Variants in NCAM1 observed in about 807,000 individuals in gnomAD.
The protein encoded by NCAM1 is neural cell adhesion molecule 1.
In NCAM1, 14 loss-of-function variants were observed where a neutral mutation model predicts 109.8. The observed-to-expected ratio is 0.13, with a 90% CI of 0.08 to 0.20. The LOEUF (loss-of-function observed/expected upper bound fraction) is 0.20. Among genes scored for constraint, NCAM1 ranks in the 10% least tolerant of loss-of-function variants. The pLI is 1.00. For synonymous variants in NCAM1, 418 were observed against 442.9 expected, an observed-to-expected ratio of 0.94 and a Z score of 0.70; for missense variants, 774 against 1,109.9, an observed-to-expected ratio of 0.70 and a Z score of 4.30.
rs1953657749 is a variant in NCAM1, at chr11:113,055,384, TCAA to T, written c.52+93722_52+93724del. On this transcript the variant is annotated intron_variant, in intron 1 of 19. Coordinates refer to ENST00000316851, the MANE Select transcript of NCAM1 (RefSeq NM_181351.5). ...AGAGGAATGCAAAAGTAGAAAATGG[TCAA>T]CGTTTTAAACTTGGTATTTGCACCC... 2.6e-5 allele frequency among the ~76,000 whole-genome samples: 4 copies of T among 152,182 alleles called. No individual in the cohort carries two copies. The South Asian group carries it at 8.3e-4, about 31-fold the overall frequency.
In NCAM1 at chr11:113,214,365, T is replaced by G; in HGVS notation, c.917-4T>G. ...AAACTCAGAGAAATGTTTTGTCTTTTCAGCAAAACCCAAAATCACATATGT... is the reference window on the plus strand; with the variant it reads ...AAACTCAGAGAAATGTTTTGTCTTTGCAGCAAAACCCAAAATCACATATGT... On this transcript the variant is annotated splice_region_variant and splice_polypyrimidine_tract_variant and intron_variant, in intron 7 of 19. Coordinates refer to ENST00000316851, the MANE Select transcript of NCAM1 (RefSeq NM_181351.5). 6.2e-7 allele frequency: 1 copy of G among 1,613,220 alleles called. No homozygotes were observed. The highest frequency in any genetic ancestry group is 1.1e-5 in the South Asian group (1 of 90,830).
intron 1 of NCAM1, among the ~76,000 whole-genome samples, chr11:113,116,172 G>C (rs1555094835): frequency 6.6e-6 from 1 of 152,202 alleles, no homozygotes. Flanking sequence ...TTGACAGTAA[G>C]GGCTGTCTCA....
intron 1 of NCAM1, among the ~76,000 whole-genome samples, chr11:113,174,973 A>G (rs1943102122): frequency 6.6e-6 from 1 of 152,196 alleles, no homozygotes; most frequent in East Asian, 1.9e-4. Context: ...TATGTGTGGA[A>G]TTTGTACACC....
intron 2 of NCAM1, among the ~76,000 whole-genome samples, chr11:113,203,931 G>C (rs1227163594): frequency 6.6e-6 from 1 of 152,136 alleles, no homozygotes. Context: ...TAATTCCCTT[G>C]GTTACCCGTT....
intron 1 of NCAM1, among the ~76,000 whole-genome samples, chr11:113,087,254 T>C (rs1555088458): frequency 6.6e-6 from 1 of 152,236 alleles, no homozygotes; most frequent in Non-Finnish European, 1.5e-5. Flanking sequence ...TCCTTTGCAA[T>C]GACAGCTGGG....
Position 113,233,334 on chromosome 11 carries a change from G to T in NCAM1, c.1693+17G>T. ...CCAAGGAAGGTGAGTTGGGCGAGTT[G>T]GTGTTTCCATTGGGATCATGAGTGC... On this transcript the variant is annotated intron_variant, in intron 13 of 19. Coordinates refer to ENST00000316851, the MANE Select transcript of NCAM1 (RefSeq NM_181351.5). The surrounding 1 kb of genome is among the most constrained non-coding windows in gnomAD (Gnocchi z 4.5). 1 of 1,607,270 alleles carries T rather than the reference G, an allele frequency of 6.2e-7. No homozygotes were observed. Among genetic ancestry groups the T allele is most frequent in the Non-Finnish European group, 8.5e-7 (1 of 1,176,708 alleles).
chr11:113,171,838 C>A (rs1555106304), intron 1 of NCAM1, among the ~76,000 whole-genome samples: 2 of 152,128 alleles, frequency 1.3e-5, no homozygotes, highest in African/African-American at 4.8e-5. Flanking sequence ...CAGAATGTGA[C>A]CTTACTTGGT....
chr11:112,967,018 T>A (rs10750016), intron 1 of NCAM1, among the ~76,000 whole-genome samples: 72,240 of 152,134 alleles, frequency 0.47, 17,987 homozygotes, highest in East Asian at 0.8. Flanking sequence ...TTTTCTTCCA[T>A]ATATACGTAA....
intron 1 of NCAM1, among the ~76,000 whole-genome samples, chr11:113,092,010 G>A (rs1010952435): frequency 3.3e-5 from 5 of 151,816 alleles, no homozygotes; most frequent in African/African-American, 1.2e-4. Context: ...TATTGATAGA[G>A]AGGCAGCAAG....
chr11:113,064,008 G>A (rs1303190737), intron 1 of NCAM1, among the ~76,000 whole-genome samples: 1 of 152,162 alleles, frequency 6.6e-6, no homozygotes, highest in Non-Finnish European at 1.5e-5. Context: ...TTAAAATATG[G>A]AAGACTCTCT....
At chr11:113,153,698 A>T (rs1488409090) in intron 1 of NCAM1, among the ~76,000 whole-genome samples, 2 of 152,214 alleles carry the variant, frequency 1.3e-5, no homozygotes, top group Non-Finnish European at 1.5e-5. Flanking sequence ...TGGGTTAGAT[A>T]TGTAAATCTG....
At chr11:113,204,091 A>T (rs1944159978) in intron 2 of NCAM1, among the ~76,000 whole-genome samples, 195 bp from the exon 3 acceptor site, 1 of 152,136 alleles carries the variant, frequency 6.6e-6, no homozygotes, top group African/African-American at 2.4e-5. Flanking sequence ...AGAGGTGTTA[A>T]GTATATAATA....
intron 1 of NCAM1, among the ~76,000 whole-genome samples, chr11:113,005,747 C>T (rs1181952507): frequency 1.3e-5 from 2 of 152,116 alleles, no homozygotes; most frequent in African/African-American, 4.8e-5. Flanking sequence ...CTTCTGTCTC[C>T]AGCCTGATTT....
intron 9 of NCAM1, among the ~76,000 whole-genome samples, chr11:113,224,113 G>A (rs183935293): frequency 5.6e-4 from 85 of 152,356 alleles, no homozygotes; most frequent in South Asian, 1.0e-3. Flanking sequence ...CGCACCGAGC[G>A]TGAGCCGAAG....
intron 9 of NCAM1, 196 bp from the exon 10 acceptor site, chr11:113,231,449 C>T: frequency 3.4e-6 from 3 of 891,864 alleles, no homozygotes; most frequent in South Asian, 1.7e-5. Context: ...CCCAGGTTCT[C>T]ATGCTGCTTC....
At chr11:113,104,202 T>TGGGG (rs1565438460) in intron 1 of NCAM1, among the ~76,000 whole-genome samples, 1 of 2,552 alleles carries the variant, frequency 3.9e-4, no homozygotes, top group Admixed American at 4.1e-3. Context: ...GAAGAGGAGG[T>TGGGG]GGGGTGGGGG....
chr11:113,232,002 A>T (rs1243801324), intron 10 of NCAM1, among the ~76,000 whole-genome samples, 168 bp from the exon 11 acceptor site: 2 of 152,124 alleles, frequency 1.3e-5, no homozygotes, highest in African/African-American at 2.4e-5. Flanking sequence ...TGTGCCCTTG[A>T]GTCTTCTTCC....
In NCAM1 at chr11:112,962,397, AGG is replaced by A. The variant is rs1950591880; in HGVS notation, c.52+736_52+737del. Among the ~76,000 whole-genome samples the A allele has an allele frequency of 6.6e-6, 1 of 151,832 alleles. No individual in the cohort carries two copies. ...CGCGTTTTGACAGGAGGAAGTGCGG[AGG>A]GGCGGAGGGCGAGGAGGGCGTGATT... On this transcript the variant is annotated intron_variant, in intron 1 of 19. Transcript: ENST00000316851. The surrounding 1 kb of genome is among the most constrained non-coding windows in gnomAD (Gnocchi z 5.6).
chr11:113,139,620 G>C (rs962491559), intron 1 of NCAM1, among the ~76,000 whole-genome samples: 2 of 151,832 alleles, frequency 1.3e-5, no homozygotes, highest in African/African-American at 2.4e-5. Context: ...TTAAACCTTA[G>C]CTAAAGTATT....
Sources: allele counts gnomAD v4.1 joint callset (sites outside exome capture counted in the v4.1 genomes callset), GRCh38; gene constraint gnomAD v4.1.1; non-coding constraint Gnocchi (gnomAD v3.1); transcripts MANE v1.5; gene names NCBI Gene and HGNC (gene_info 2026-07-23, HGNC 2026-07-21).